CACNA1A: variants seen among roughly 807,000 people sequenced by gnomAD.
The protein encoded by CACNA1A is voltage-dependent P/Q-type calcium channel subunit alpha-1A.
In CACNA1A, 57 loss-of-function variants were observed where a neutral mutation model predicts 262.4. That is an observed-to-expected ratio of 0.22 (90% CI 0.18 to 0.27). The LOEUF is 0.27. Among genes scored for constraint, CACNA1A ranks in the 10% least tolerant of loss-of-function variants. The pLI is 1.00. For synonymous variants in CACNA1A, 1,431 were observed against 1,419.3 expected, an observed-to-expected ratio of 1.01 and a Z score of -0.18; for missense variants, 2,526 against 3,562.8, an observed-to-expected ratio of 0.71 and a Z score of 7.41.
chr19:13,282,694 G>A (rs2057319734), intron 22 of CACNA1A, among the ~76,000 whole-genome samples: 1 of 151,870 alleles, frequency 6.6e-6, no homozygotes, highest in African/African-American at 2.4e-5. Context: ...CTGGGCGGGG[G>A]GTTGGGGGGG....
intron 24 of CACNA1A, chr19:13,263,112 C>T (rs2056776387): frequency 4.8e-6 from 2 of 413,114 alleles, no homozygotes; most frequent in Admixed American, 7.3e-5. Flanking sequence ...TATTGGGTGT[C>T]CCTGAGACCC....
intron 1 of CACNA1A, among the ~76,000 whole-genome samples, chr19:13,491,135 A>G (rs929000516): frequency 1.3e-5 from 2 of 152,218 alleles, no homozygotes; most frequent in Admixed American, 1.3e-4. Context: ...GGTTTCCCGG[A>G]GAAAACTTGA....
intron 3 of CACNA1A, among the ~76,000 whole-genome samples, chr19:13,374,947 G>A (rs2059380318): frequency 6.6e-6 from 1 of 152,164 alleles, no homozygotes; most frequent in African/African-American, 2.4e-5. Context: ...CTGGGATTAT[G>A]GACGTGAGCC....
At chr19:13,451,000 G>C (rs1443850024) in intron 3 of CACNA1A, 1 of 152,102 alleles carries the variant, frequency 6.6e-6, no homozygotes, top group African/African-American at 2.4e-5. Flanking sequence ...TAGCCACTAG[G>C]CTGTTTCTAG....
chr19:13,389,888 C>T (rs955104635), intron 3 of CACNA1A, among the ~76,000 whole-genome samples: 69 of 152,186 alleles, frequency 4.5e-4, no homozygotes, highest in African/African-American at 1.6e-3. Context: ...TCTCAGCTCA[C>T]TGCAACCTCT....
chr19:13,299,551 G>T (rs980684348), intron 18 of CACNA1A, among the ~76,000 whole-genome samples, 198 bp from the exon 19 acceptor site: 9 of 152,136 alleles, frequency 5.9e-5, no homozygotes, highest in Admixed American at 4.6e-4. Flanking sequence ...GCTCCCACCT[G>T]GCTAGGGGCA....
chr19:13,469,713 C>T (rs964133094), intron 1 of CACNA1A, among the ~76,000 whole-genome samples: 7 of 151,080 alleles, frequency 4.6e-5, no homozygotes, highest in Admixed American at 6.6e-5. Context: ...CCCGCCTCGG[C>T]TCCCCAAAGT....
intron 5 of CACNA1A, 39 bp downstream of exon 5, chr19:13,365,278 G>C (rs758457516): frequency 6.4e-7 from 1 of 1,571,496 alleles, no homozygotes; most frequent in African/African-American, 1.4e-5. Flanking sequence ...GTCCCTGAAG[G>C]AGAAAACTGG....
At chr19:13,240,579 T>G (rs4926144) in intron 31 of CACNA1A, among the ~76,000 whole-genome samples, 102,022 of 150,094 alleles carry the variant, frequency 0.68, 34,855 homozygotes, top group East Asian at 0.95. Flanking sequence ...TGTGTCCAGT[T>G]TCTGCGTGCA....
chr19:13,408,064 G>A (rs2060045310), intron 3 of CACNA1A, among the ~76,000 whole-genome samples: 1 of 152,130 alleles, frequency 6.6e-6, no homozygotes, highest in South Asian at 2.1e-4. Flanking sequence ...GGCCTCCTCA[G>A]CCATGCCTTC....
chr19:13,245,560 G>C, intron 30 of CACNA1A: 2 of 399,098 alleles, frequency 5.0e-6, no homozygotes, highest in East Asian at 8.5e-5. Flanking sequence ...TGTCTCTCCA[G>C]CATTTTTGAG....
At chr19:13,327,702 A>T (rs577365214) in intron 10 of CACNA1A, among the ~76,000 whole-genome samples, 4 of 151,126 alleles carry the variant, frequency 2.6e-5, no homozygotes, top group African/African-American at 9.7e-5. Flanking sequence ...CCTCCTGAGT[A>T]GCTGGGATTA....
intron 26 of CACNA1A, chr19:13,259,994 G>T: frequency 3.3e-6 from 1 of 306,710 alleles, no homozygotes; most frequent in Non-Finnish European, 6.3e-6. Flanking sequence ...TCCTCAGGGT[G>T]AGAGCCTCAG....
intron 3 of CACNA1A, among the ~76,000 whole-genome samples, chr19:13,408,297 G>A (rs1013540309): frequency 5.3e-5 from 8 of 152,250 alleles, no homozygotes; most frequent in South Asian, 4.1e-4. Flanking sequence ...TTGAGATGGG[G>A]AGGTTGAGGC....
chr19:13,268,994 C>T (rs912525838), intron 24 of CACNA1A, among the ~76,000 whole-genome samples: 1 of 149,806 alleles, frequency 6.7e-6, no homozygotes, highest in Non-Finnish European at 1.5e-5. Context: ...CCACCGCACC[C>T]GGCTTTATTT....
intron 21 of CACNA1A, 78 bp from the exon 22 acceptor site, chr19:13,283,474 T>C (rs2057335037): frequency 2.6e-6 from 4 of 1,555,688 alleles, no homozygotes; most frequent in Non-Finnish European, 3.5e-6. Flanking sequence ...AATCTCATGT[T>C]ACCTACCACT....
At chr19:13,222,166 C>T (rs1351262496) in intron 38 of CACNA1A, among the ~76,000 whole-genome samples, 2 of 152,126 alleles carry the variant, frequency 1.3e-5, no homozygotes, top group Non-Finnish European at 2.9e-5. Flanking sequence ...TTCAGCCTCC[C>T]AAAGTGCTGG....
chr19:13,479,697 T>C (rs1467647313), intron 1 of CACNA1A, among the ~76,000 whole-genome samples: 6 of 152,156 alleles, frequency 3.9e-5, no homozygotes, highest in Admixed American at 6.6e-5. Context: ...TCATGTCTTA[T>C]CAGACAAACA....
In CACNA1A at chr19:13,212,277, C is replaced by T; in HGVS notation, c.6190-61G>A. Reference sequence around the variant, plus strand: ...GGCCTGACCTCCAGATCCCTGGTGTCTGCAGAGGGAGGGAGCTGCAGGTGT... The same window carrying T: ...GGCCTGACCTCCAGATCCCTGGTGTTTGCAGAGGGAGGGAGCTGCAGGTGT... On this transcript the variant is annotated intron_variant, in intron 42 of 46. Transcript: ENST00000360228. This position sits in a 1 kb window ranked among gnomAD's most constrained non-coding sequence, Gnocchi z 5.6. 6.3e-7 allele frequency: 1 copy of T among 1,579,556 alleles called. No individual in the cohort carries two copies. Among genetic ancestry groups the T allele is most frequent in the South Asian group, 1.1e-5 (1 of 89,850 alleles).
Sources: gnomAD v4.1 joint callset for allele counts (sites outside exome capture counted in the v4.1 genomes callset) on GRCh38, gnomAD v4.1.1 for gene constraint, Gnocchi (gnomAD v3.1) non-coding constraint, MANE v1.5 for transcripts, NCBI Gene and HGNC (gene_info 2026-07-23, HGNC 2026-07-21) for gene names.